SORCS2: variants seen among roughly 807,000 people sequenced by gnomAD.
SORCS2 encodes the protein VPS10 domain-containing receptor SorCS2.
SORCS2 carries 100 observed loss-of-function variants against 141.6 expected under a neutral mutation model. That is an observed-to-expected ratio of 0.71 (90% CI 0.60 to 0.83). The LOEUF is 0.83. Among genes scored for constraint, SORCS2 ranks in the 40% least tolerant of loss-of-function variants. The pLI is 0.00. For synonymous variants in SORCS2, 789 were observed against 676.9 expected (o/e 1.17, Z -2.57); for missense variants, 1,646 against 1,560.2 (o/e 1.05, Z -0.93).
intron 2 of SORCS2, among the ~76,000 whole-genome samples, chr4:7,529,277 C>T (rs1010868239): frequency 9.9e-5 from 15 of 152,200 alleles, no homozygotes; most frequent in African/African-American, 3.6e-4. Flanking sequence ...CCCACCACCC[C>T]TCCCTCACCC....
chr4:7,490,721 G>A (rs1731266835), intron 2 of SORCS2, among the ~76,000 whole-genome samples: 1 of 152,150 alleles, frequency 6.6e-6, no homozygotes, highest in Non-Finnish European at 1.5e-5. Flanking sequence ...GTTTGCAGGT[G>A]AACACTGGCC....
chr4:7,430,082 C>G (rs1444810590), intron 2 of SORCS2, among the ~76,000 whole-genome samples: 1 of 152,110 alleles, frequency 6.6e-6, no homozygotes, highest in Non-Finnish European at 1.5e-5. Flanking sequence ...ATAGATTTGA[C>G]TTTCATCCCT....
rs190499924 is a variant in SORCS2, at chr4:7,663,344, G to C, written c.953-1009G>C. Among the ~76,000 whole-genome samples, 11 of 151,362 alleles carry C rather than the reference G, an allele frequency of 7.3e-5. No individual in the cohort carries two copies. Among genetic ancestry groups the C allele is most frequent in the Admixed American group, 3.3e-4 (5 of 15,224 alleles). On this transcript the variant is annotated intron_variant, in intron 6 of 26. Transcript: ENST00000507866. The surrounding 1 kb of genome is among the most constrained non-coding windows in gnomAD (Gnocchi z 4.8). ...TGAGTGAGTGATTGAGTGAGTGAGT[G>C]AGTGAGTCAGTCAGTCAGTAGACTG... is the stretch of plus-strand genomic sequence containing the variant.
At chr4:7,510,651 C>T (rs1303334313) in intron 2 of SORCS2, among the ~76,000 whole-genome samples, 8 of 150,690 alleles carry the variant, frequency 5.3e-5, no homozygotes, top group Admixed American at 1.3e-4. Context: ...GTTCTGGGTG[C>T]GGCATGTCCT....
At chr4:7,209,506 C>T (rs1208219004) in intron 1 of SORCS2, among the ~76,000 whole-genome samples, 1 of 152,136 alleles carries the variant, frequency 6.6e-6, no homozygotes, top group Non-Finnish European at 1.5e-5. Context: ...GCCGGGACCC[C>T]AGCGTGAGGC....
chr4:7,602,301 T>C (rs982878244), intron 3 of SORCS2, among the ~76,000 whole-genome samples: 25 of 150,742 alleles, frequency 1.7e-4, no homozygotes, highest in Admixed American at 7.3e-4. Context: ...GGGCGGGGGC[T>C]GTCCCCCACC....
intron 1 of SORCS2, among the ~76,000 whole-genome samples, chr4:7,391,518 G>C (rs971467949): frequency 1.3e-5 from 2 of 152,070 alleles, no homozygotes; most frequent in East Asian, 1.9e-4. Flanking sequence ...TGGTGATCAG[G>C]GGGTGGGGCT....
intron 1 of SORCS2, among the ~76,000 whole-genome samples, chr4:7,304,986 T>A (rs977008870): frequency 6.6e-6 from 1 of 152,004 alleles, no homozygotes; most frequent in African/African-American, 2.4e-5. Flanking sequence ...CCACCCTTGC[T>A]GTCGGCTCCA....
intron 5 of SORCS2, among the ~76,000 whole-genome samples, chr4:7,655,448 T>C (rs1721703426): frequency 6.6e-6 from 1 of 152,152 alleles, no homozygotes; most frequent in Non-Finnish European, 1.5e-5. Flanking sequence ...AAAACAATAT[T>C]ATTAAGAGGT....
At chr4:7,382,058 A>G in intron 1 of SORCS2, 1 of 876,698 alleles carries the variant, frequency 1.1e-6, no homozygotes, top group Non-Finnish European at 1.4e-6. Flanking sequence ...CGTTCGGGAA[A>G]GGCCCAGGCA....
rs142589258 is a variant in SORCS2, at chr4:7,624,491, T to G, written c.649-13837T>G. On this transcript the variant is annotated intron_variant, in intron 3 of 26. Coordinates refer to ENST00000507866, the MANE Select transcript of SORCS2 (RefSeq NM_020777.3). ...TTTGACCAGCAGCCACAATACTATC[T>G]TGGCTTCTCATCACAAATATTTGAA... Among the ~76,000 whole-genome samples, 1,245 of 152,358 alleles carry G rather than the reference T, an allele frequency of 8.2e-3. 16 individuals are homozygous for G. The highest frequency in any genetic ancestry group is 0.028 in the African/African-American group (1,185 of 41,588).
At chr4:7,422,116 G>A (rs1341797070) in intron 2 of SORCS2, among the ~76,000 whole-genome samples, 1 of 152,168 alleles carries the variant, frequency 6.6e-6, no homozygotes, top group Non-Finnish European at 1.5e-5. Flanking sequence ...ATCTTGTACG[G>A]GTTAATCGTC....
chr4:7,624,920 G>T (rs1326769245), intron 3 of SORCS2, among the ~76,000 whole-genome samples: 1 of 152,238 alleles, frequency 6.6e-6, no homozygotes, highest in Non-Finnish European at 1.5e-5. Flanking sequence ...GGAGGAGGAC[G>T]GCGGGGGCTC....
intron 10 of SORCS2, among the ~76,000 whole-genome samples, chr4:7,688,486 G>A (rs1374118947): frequency 6.6e-6 from 1 of 152,190 alleles, no homozygotes. Flanking sequence ...TCTTGCCCAG[G>A]GGAAGGGCTG....
intron 2 of SORCS2, among the ~76,000 whole-genome samples, chr4:7,523,319 C>T (rs569632251): frequency 4.7e-4 from 72 of 152,290 alleles, no homozygotes; most frequent in Middle Eastern, 6.8e-3. Context: ...ACATGTTCAG[C>T]GGGAAACTGT....
intron 3 of SORCS2, among the ~76,000 whole-genome samples, chr4:7,534,799 C>T (rs66494118): frequency 0.042 from 6,327 of 152,366 alleles, 295 homozygotes; most frequent in African/African-American, 0.11. Context: ...ACCTTGCCTT[C>T]AGCTTTGTGC....
intron 9 of SORCS2, among the ~76,000 whole-genome samples, chr4:7,680,038 G>A (rs1475969010): frequency 6.6e-6 from 1 of 152,206 alleles, no homozygotes; most frequent in Non-Finnish European, 1.5e-5. Context: ...ACTAGACAGG[G>A]CAGAAGCCCT....
rs764085962 is a variant in SORCS2, at chr4:7,712,861, G to A, written c.1989+8G>A. The A allele has an allele frequency of 3.0e-5, 48 of 1,613,352 alleles. No individual in the cohort carries two copies. Among genetic ancestry groups the A allele is most frequent in the Middle Eastern group, 1.6e-4 (1 of 6,068 alleles). Reference sequence around the variant, plus strand: ...GAGCTCTCCAACCTGCAGGTGGGCCGGCATGAGGCTGGGATCGGGCAGGTG... The same window carrying A: ...GAGCTCTCCAACCTGCAGGTGGGCCAGCATGAGGCTGGGATCGGGCAGGTG... On this transcript the variant is annotated splice_region_variant and intron_variant, in intron 15 of 26. Coordinates refer to ENST00000507866, the MANE Select transcript of SORCS2 (RefSeq NM_020777.3).
intron 1 of SORCS2, among the ~76,000 whole-genome samples, chr4:7,223,718 C>T (rs759577347): frequency 6.6e-6 from 1 of 152,080 alleles, no homozygotes; most frequent in Non-Finnish European, 1.5e-5. Context: ...GCCTCAGGGG[C>T]CTCCTGGTGC....
Sources: allele counts gnomAD v4.1 joint callset (sites outside exome capture counted in the v4.1 genomes callset), GRCh38; gene constraint gnomAD v4.1.1; non-coding constraint Gnocchi (gnomAD v3.1); transcripts MANE v1.5; gene names NCBI Gene and HGNC (gene_info 2026-07-23, HGNC 2026-07-21).